The following IMPACT variants were observed in gnomAD, a reference collection of about 807,000 sequenced individuals.
IMPACT encodes the protein protein IMPACT.
Under a neutral mutation model 47.5 loss-of-function variants are expected in IMPACT, and 35 were observed. The observed-to-expected ratio is 0.74, with a 90% CI of 0.56 to 0.98. The LOEUF is 0.98. IMPACT is among the 50% of genes least tolerant of loss of function. The pLI, the probability that IMPACT is intolerant of heterozygous loss-of-function variation, is 0.00. For missense variants in IMPACT, 373 were observed against 394.8 expected, an observed-to-expected ratio of 0.94 and a Z score of 0.47; for synonymous variants, 118 against 125.6, an observed-to-expected ratio of 0.94 and a Z score of 0.40.
At position 24,452,969 on chromosome 18, in the gene IMPACT, G is replaced by C. The variant is rs1223038332; in HGVS notation, c.*2122G>C. The C allele has an allele frequency of 6.6e-6, 1 of 152,054 alleles. No individual in the cohort carries two copies. The highest frequency in any genetic ancestry group is 6.6e-5 in the Admixed American group (1 of 15,252). The allele number at this position is 152,054 out of a possible 1,614,324, so 9.4% of individuals were successfully genotyped here. Reference sequence around the variant, plus strand: ...TTAAAGTTTTTTTTGTAAAGATAGGGTCTTTCTATGTTGCCCAGGCTCGTC... The same window carrying C: ...TTAAAGTTTTTTTTGTAAAGATAGGCTCTTTCTATGTTGCCCAGGCTCGTC... On this transcript the variant is annotated 3_prime_UTR_variant, in exon 11 of 11. Coordinates refer to ENST00000284202, the MANE Select transcript of IMPACT (RefSeq NM_018439.4).
In IMPACT at chr18:24,443,123, C is replaced by T; in HGVS notation, c.565C>T (p.His189Tyr). ...ITDRRSTFQA[H>Y]LAPVVCPKQV... ...AGACCGAAGAAGTACTTTTCAGGCA[C>T]ACTTGGCTCCAGTGGTTTGTCCCAA... The change falls in exon 7 of 11, where the codon CAC (histidine) becomes TAC (tyrosine). Residue 189 changes from histidine (H) to tyrosine (Y), a missense_variant. Transcript: ENST00000284202. 7 of 1,604,074 alleles carry T rather than the reference C, an allele frequency of 4.4e-6. No individual in the cohort carries two copies. Among genetic ancestry groups the T allele is most frequent in the East Asian group, 2.2e-5 (1 of 44,550 alleles).
intron 1 of IMPACT, chr18:24,427,296 T>C (rs1908636038): frequency 6.4e-6 from 1 of 155,718 alleles, no homozygotes; most frequent in African/African-American, 2.4e-5. Context: ...CAAAATGAAA[T>C]GCTACGAAGT....
In IMPACT at chr18:24,452,487, G is replaced by A. The variant is rs982343034; in HGVS notation, c.*1640G>A. 2.4e-4 allele frequency: 37 copies of A among 151,950 alleles called. No homozygotes were observed. Among genetic ancestry groups the A allele is most frequent in the African/African-American group, 8.5e-4 (35 of 41,398 alleles). The allele number at this position is 151,950 out of a possible 1,614,324, so 9.4% of individuals were successfully genotyped here. On this transcript the variant is annotated 3_prime_UTR_variant, in exon 11 of 11. Transcript: ENST00000284202. The stretch of plus-strand genomic sequence containing the variant: ...AATTTCAACATGTCAAACCTATGAA[G>A]GGAGATAGGAAACAATGAGAAACTT...
rs879310891 is a variant in IMPACT, at chr18:24,436,535, G to GT, written c.282-1411dup. ...AGGTGTGAGCTGCCACATCTGGCCT[G>GT]TTTTTTTTTGTTTTGTTTTTGTTTT... On this transcript the variant is annotated intron_variant, in intron 4 of 10. Coordinates refer to ENST00000284202, the MANE Select transcript of IMPACT (RefSeq NM_018439.4). 3.1e-3 allele frequency among the ~76,000 whole-genome samples: 467 copies of GT among 149,678 alleles called. 2 individuals carry two copies. The highest frequency in any genetic ancestry group is 7.5e-3 in the South Asian group (35 of 4,684).
At chr18:24,449,513 C>T (rs1273356225) in intron 9 of IMPACT, among the ~76,000 whole-genome samples, 2 of 152,170 alleles carry the variant, frequency 1.3e-5, no homozygotes, top group Non-Finnish European at 2.9e-5. Flanking sequence ...TGGTTGAAGT[C>T]ACCAGGTGCT....
intron 4 of IMPACT, 50 bp downstream of exon 4, chr18:24,430,434 G>A (rs1908723585): frequency 2.2e-6 from 3 of 1,384,058 alleles, no homozygotes; most frequent in African/African-American, 2.9e-5. Context: ...ATTGTATTGT[G>A]GGCTTTTGTT....
Position 24,426,706 on chromosome 18 carries a change from C to G in IMPACT, c.-51C>G. On this transcript the variant is annotated 5_prime_UTR_variant, in exon 1 of 11. Transcript: ENST00000284202. ...GGCTCGCAGCCGCAGCGCCCCGCCCCCGCGCTCCGGACCTGGCAGGCGGCG... is the reference window on the plus strand; with the variant it reads ...GGCTCGCAGCCGCAGCGCCCCGCCCGCGCGCTCCGGACCTGGCAGGCGGCG... The G allele has an allele frequency of 8.1e-7, 1 of 1,230,048 alleles. No homozygotes were observed. The highest frequency in any genetic ancestry group is 1.0e-6 in the Non-Finnish European group (1 of 982,500). The allele number at this position is 1,230,048 out of a possible 1,614,324, so 76.2% of individuals were successfully genotyped here. A position where few individuals can be genotyped will look rare whatever the true frequency, so the allele number is the denominator to read the frequency against.
Position 24,426,680 on chromosome 18 carries a change from C to T in IMPACT, c.-77C>T, listed in dbSNP as rs576429991. 17 of 1,116,632 alleles carry T rather than the reference C, an allele frequency of 1.5e-5. No homozygotes were observed. The African/African-American group carries it at 1.9e-4, about 13-fold the overall frequency. The allele number at this position is 1,116,632 out of a possible 1,614,324, so 69.2% of individuals were successfully genotyped here. ...GTCGGGCCGCGCCGCAGCCAGCTCTCGGCTCGCAGCCGCAGCGCCCCGCCC... is the reference window on the plus strand; with the variant it reads ...GTCGGGCCGCGCCGCAGCCAGCTCTTGGCTCGCAGCCGCAGCGCCCCGCCC... On this transcript the variant is annotated 5_prime_UTR_variant, in exon 1 of 11. Coordinates refer to ENST00000284202, the MANE Select transcript of IMPACT (RefSeq NM_018439.4).
intron 6 of IMPACT, 51 bp from the exon 7 acceptor site, chr18:24,442,998 G>T: frequency 3.2e-6 from 3 of 942,670 alleles, no homozygotes; most frequent in Non-Finnish European, 5.0e-6. Context: ...ATTTTTTTCA[G>T]TATTTGAATG....
intron 6 of IMPACT, 80 bp downstream of exon 6, chr18:24,440,698 T>A: frequency 8.1e-7 from 1 of 1,237,198 alleles, no homozygotes; most frequent in Non-Finnish European, 1.1e-6. Flanking sequence ...GATAGAGAAA[T>A]TTACTAATTT....
chr18:24,430,843 G>A (rs564218552), intron 4 of IMPACT, among the ~76,000 whole-genome samples: 1 of 152,290 alleles, frequency 6.6e-6, no homozygotes, highest in East Asian at 1.9e-4. Flanking sequence ...TCTTGATTTG[G>A]TATTTTCATA....
chr18:24,443,596 A>G (rs1033857280), intron 7 of IMPACT, among the ~76,000 whole-genome samples: 1 of 152,226 alleles, frequency 6.6e-6, no homozygotes, highest in Non-Finnish European at 1.5e-5. Context: ...TACCTTGTCA[A>G]AAAGAATTAT....
At chr18:24,427,885 A>G (rs1908653584) in intron 1 of IMPACT, 34 bp from the exon 2 acceptor site, 1 of 1,581,408 alleles carries the variant, frequency 6.3e-7, no homozygotes, top group Non-Finnish European at 8.6e-7. Flanking sequence ...AGATGTGTAC[A>G]TTTGTTGACT....
intron 4 of IMPACT, among the ~76,000 whole-genome samples, chr18:24,432,705 G>A (rs368918153): frequency 6.7e-5 from 10 of 149,094 alleles, no homozygotes; most frequent in African/African-American, 2.5e-4. Context: ...CTGCCCCCCC[G>A]ATCCCCCAGT....
chr18:24,440,372 C>T (rs748732507), intron 5 of IMPACT, 124 bp from the exon 6 acceptor site: 35 of 932,534 alleles, frequency 3.8e-5, no homozygotes, highest in Middle Eastern at 3.3e-4. Flanking sequence ...AGTTCTCCTA[C>T]GGGCTGAGTG....
chr18:24,447,179 GTGAA>G (rs1489087087), intron 8 of IMPACT, among the ~76,000 whole-genome samples: 11 of 152,190 alleles, frequency 7.2e-5, no homozygotes, highest in African/African-American at 2.7e-4. Context: ...GGAAGGATGA[GTGAA>G]TGAATGAATG....
At chr18:24,444,801 A>C (rs8182394) in intron 7 of IMPACT, among the ~76,000 whole-genome samples, 100,695 of 152,128 alleles carry the variant, frequency 0.66, 34,617 homozygotes, top group Admixed American at 0.75. Flanking sequence ...CTGAAATTCA[A>C]ATTTAACTGG....
In IMPACT at chr18:24,437,055, AAC is replaced by A. The variant is rs1908965736; in HGVS notation, c.282-898_282-897del. On this transcript the variant is annotated intron_variant, in intron 4 of 10. Coordinates refer to ENST00000284202, the MANE Select transcript of IMPACT (RefSeq NM_018439.4). ...ATTTGAGGGTATAGAATTATTTAAA[AAC>A]AATGTTGTTTTCTTCTGTCTCTTGT... Among the ~76,000 whole-genome samples the A allele has an allele frequency of 2.6e-5, 4 of 151,680 alleles. No homozygotes were observed. The South Asian group carries it at 8.3e-4, about 31-fold the overall frequency.
rs1909087771 is a variant in IMPACT, at chr18:24,440,760, C to T, written c.490+142C>T. On this transcript the variant is annotated intron_variant, in intron 6 of 10. Coordinates refer to ENST00000284202, the MANE Select transcript of IMPACT (RefSeq NM_018439.4). ...ATTTGCAGATAAGATTAATTTTTTC[C>T]TGCCTGTTGGCAATTTTGGTGTTTG... 3 of 854,656 alleles carry T rather than the reference C, an allele frequency of 3.5e-6. No homozygotes were observed. In the East Asian group the frequency reaches 9.0e-5, roughly 26 times the overall value. 52.9% of individuals were successfully genotyped at this position (854,656 alleles called of 1,614,324 possible).
Sources: allele counts gnomAD v4.1 joint callset (sites outside exome capture counted in the v4.1 genomes callset), GRCh38; gene constraint gnomAD v4.1.1; transcripts MANE v1.5; gene names NCBI Gene and HGNC (gene_info 2026-07-23, HGNC 2026-07-21).